The following CSPP1 variants were observed in gnomAD, a reference collection of about 807,000 sequenced individuals.
CSPP1 encodes the protein centrosome and spindle pole associated protein 1.
A neutral mutation model predicts 164.4 loss-of-function variants in CSPP1; 126 were observed. The ratio of observed to expected loss-of-function variants is 0.77; its 90% CI spans 0.66 to 0.89. CSPP1 has a LOEUF of 0.89. Among genes scored for constraint, CSPP1 ranks in the 40% least tolerant of loss-of-function variants. The pLI is 0.00. For synonymous variants in CSPP1, 472 were observed against 476.7 expected (o/e 0.99, Z 0.13); for missense variants, 1,395 against 1,449.8 (o/e 0.96, Z 0.61).
chr8:67,165,752 C>T (rs1471779703), intron 24 of CSPP1, among the ~76,000 whole-genome samples: 2 of 152,186 alleles, frequency 1.3e-5, no homozygotes, highest in Non-Finnish European at 2.9e-5. Context: ...CCACATGATA[C>T]CTCTGGAAAT....
chr8:67,112,108 A>G (rs748431988), intron 10 of CSPP1, 43 bp downstream of exon 10: 1 of 1,373,310 alleles, frequency 7.3e-7, no homozygotes. Context: ...TTGAGTTTAA[A>G]GTGCATTTGT....
rs1044147847 is a variant in CSPP1, at chr8:67,196,494, A to G, written c.*901A>G. Reference sequence around the variant, plus strand: ...TGACTCAGATTAGAATCTCAGAACCATGACAGCTGAGAACATCCCCAGGCA... The same window carrying G: ...TGACTCAGATTAGAATCTCAGAACCGTGACAGCTGAGAACATCCCCAGGCA... On this transcript the variant is annotated 3_prime_UTR_variant, in exon 31 of 31. Coordinates refer to ENST00000678616, the MANE Select transcript of CSPP1 (RefSeq NM_001382391.1). Among the ~76,000 whole-genome samples, 13 of 152,352 alleles carry G rather than the reference A, an allele frequency of 8.5e-5. No homozygotes were observed. Among genetic ancestry groups the G allele is most frequent in the Admixed American group, 7.2e-4 (11 of 15,310 alleles).
At chr8:67,187,742 A>T (rs1835075861) in intron 28 of CSPP1, among the ~76,000 whole-genome samples, 1 of 152,178 alleles carries the variant, frequency 6.6e-6, no homozygotes, top group Admixed American at 6.6e-5. Context: ...ACAGAGGACC[A>T]AAGGCAGTAC....
chr8:67,134,938 G>A (rs541817375), intron 16 of CSPP1: 1 of 152,272 alleles, frequency 6.6e-6, no homozygotes, highest in East Asian at 1.9e-4. Flanking sequence ...AAAGTCACCA[G>A]CTGCATTAGC....
chr8:67,132,742 A>G (rs780396200), intron 16 of CSPP1, among the ~76,000 whole-genome samples: 5 of 152,212 alleles, frequency 3.3e-5, no homozygotes, highest in African/African-American at 1.2e-4. Context: ...TAATGAGGCT[A>G]TAAACCAAAA....
At position 67,105,889 on chromosome 8, in the gene CSPP1, GTC is replaced by G; in HGVS notation, c.1023-14_1023-13del. ...GGATTTTAATTTACTCTTTTTCTCTGTCTTTTTTTCTTTAGTGCTCCAGACAA... is the reference window on the plus strand; with the variant it reads ...GGATTTTAATTTACTCTTTTTCTCTGTTTTTTTCTTTAGTGCTCCAGACAA... On this transcript the variant is annotated splice_polypyrimidine_tract_variant and intron_variant, in intron 8 of 30. Coordinates refer to ENST00000678616, the MANE Select transcript of CSPP1 (RefSeq NM_001382391.1). The G allele has an allele frequency of 6.9e-7, 1 of 1,440,300 alleles. No homozygotes were observed. The highest frequency in any genetic ancestry group is 9.8e-7 in the Non-Finnish European group (1 of 1,024,598). The allele number at this position is 1,440,300 out of a possible 1,614,324, so 89.2% of individuals were successfully genotyped here. A position where few individuals can be genotyped will look rare whatever the true frequency, so the allele number is the denominator to read the frequency against.
At chr8:67,068,349 A>C (rs1239234371) in intron 1 of CSPP1, among the ~76,000 whole-genome samples, 2 of 152,252 alleles carry the variant, frequency 1.3e-5, no homozygotes, top group Admixed American at 6.5e-5. Context: ...TCTTTCAATT[A>C]AACTATTTTC....
chr8:67,093,633 A>G lies in CSPP1; in HGVS notation c.475A>G (p.Ser159Gly), dbSNP rs764900291. Residue 159 changes from serine to glycine, a missense_variant, in exon 6 of 31, where the codon AGT becomes GGT. By Grantham distance (56) the Ser-to-Gly change is moderately conservative. Transcript: ENST00000678616. ...TGAAAAGTTCAGGCAGGTGGAAAAG[A>G]GTACTGAGGTAGGTTTTGCTTTTGA... The part of the protein sequence containing the change: ...SSEKFRQVEK[S>G]TEPKSQRNKK... The G allele has an allele frequency of 3.1e-6, 5 of 1,596,202 alleles. No homozygotes were observed. The highest frequency in any genetic ancestry group is 3.3e-5 in the Admixed American group (2 of 59,764).
intron 17 of CSPP1, among the ~76,000 whole-genome samples, chr8:67,142,042 T>C (rs1823618724): frequency 6.6e-6 from 1 of 152,244 alleles, no homozygotes; most frequent in African/African-American, 2.4e-5. Flanking sequence ...GATCTCATTA[T>C]AAGGCATAGT....
Position 67,076,468 on chromosome 8 carries a change from T to C in CSPP1, c.100-14T>C. 6.7e-7 allele frequency: 1 copy of C among 1,487,118 alleles called. No homozygotes were observed. Among genetic ancestry groups the C allele is most frequent in the East Asian group, 2.3e-5 (1 of 43,350 alleles). 92.1% of individuals were successfully genotyped at this position (1,487,118 alleles called of 1,614,324 possible). On this transcript the variant is annotated splice_polypyrimidine_tract_variant and intron_variant, in intron 2 of 30. Transcript: ENST00000678616. ...TTTTTCCTCTTGCTTTTGTAAACAT[T>C]ATGTCTCTTTCAGGGAAAGTTGTCA... is the stretch of plus-strand genomic sequence containing the variant.
chr8:67,118,769 C>G lies in CSPP1; in HGVS notation c.1645C>G (p.Pro549Ala), dbSNP rs754153035. The stretch of plus-strand genomic sequence containing the variant: ...TGGTTCAGGAATGATGGGCGTACAG[C>G]CTGCAGCTTATGTTAGTGCTCCTGT... ...YYGSGMMGVQ[P>A]AAYVSAPVTH... The change falls in exon 15 of 31, where the codon CCT (proline) becomes GCT (alanine). Residue 549 changes from proline to alanine, a missense_variant. Pro to Ala is a conservative substitution (Grantham distance 27). Coordinates refer to ENST00000678616, the MANE Select transcript of CSPP1 (RefSeq NM_001382391.1). 3.5e-5 allele frequency: 56 copies of G among 1,612,158 alleles called. No homozygotes were observed. Among genetic ancestry groups the G allele is most frequent in the Non-Finnish European group, 4.3e-5 (51 of 1,178,674 alleles).
At chr8:67,069,409 AC>A (rs1339294993) in intron 1 of CSPP1, among the ~76,000 whole-genome samples, 6 of 152,154 alleles carry the variant, frequency 3.9e-5, no homozygotes, top group African/African-American at 1.4e-4. Flanking sequence ...TACTTTTTGT[AC>A]TTTTGATTAC....
intron 8 of CSPP1, 95 bp downstream of exon 8, chr8:67,103,230 T>TGG: frequency 1.5e-6 from 1 of 673,008 alleles, no homozygotes. Flanking sequence ...AAAGATACAG[T>TGG]AAATTAACAG....
intron 15 of CSPP1, among the ~76,000 whole-genome samples, chr8:67,128,310 G>A (rs891325409): frequency 2.7e-4 from 41 of 152,134 alleles, no homozygotes; most frequent in African/African-American, 7.2e-4. Context: ...AGGCCGAGGC[G>A]GGTGAATCAC....
intron 28 of CSPP1, among the ~76,000 whole-genome samples, chr8:67,188,952 C>T (rs1248134549): frequency 2.0e-5 from 3 of 151,962 alleles, no homozygotes; most frequent in African/African-American, 7.3e-5. Context: ...GGCCAAGAAC[C>T]CCAGGTCAGA....
At chr8:67,065,444 C>A in intron 1 of CSPP1, 1 of 666,886 alleles carries the variant, frequency 1.5e-6, no homozygotes, top group Non-Finnish European at 1.9e-6. Context: ...GGCTTAAAAG[C>A]AACCGATAGG....
At chr8:67,118,704 C>T (rs757849067) in intron 14 of CSPP1, 39 bp from the exon 15 acceptor site, 1 of 1,363,044 alleles carries the variant, frequency 7.3e-7, no homozygotes, top group Non-Finnish European at 1.0e-6. Flanking sequence ...AATGATTATT[C>T]TAAATAAACT....
chr8:67,144,694 A>G (rs1054893489), intron 17 of CSPP1, among the ~76,000 whole-genome samples: 1 of 152,048 alleles, frequency 6.6e-6, no homozygotes, highest in South Asian at 2.1e-4. Context: ...TGATCCTCCC[A>G]CCTTGGCCTC....
intron 21 of CSPP1, among the ~76,000 whole-genome samples, chr8:67,159,919 T>TCTTTCTTTCTTTCTTTCTTTC (rs1563712547): frequency 3.4e-5 from 2 of 59,360 alleles, no homozygotes; most frequent in East Asian, 4.7e-4. Flanking sequence ...TTTCTTTCTT[T>TCTTTCTTTCTTTCTTTCTTTC]CTTTCCTTTC....
Sources: gnomAD v4.1 joint callset for allele counts (sites outside exome capture counted in the v4.1 genomes callset) on GRCh38, gnomAD v4.1.1 for gene constraint, MANE v1.5 for transcripts, NCBI Gene and HGNC (gene_info 2026-07-23, HGNC 2026-07-21) for gene names.